Variants in DSCAML1 observed in about 807,000 individuals in gnomAD.
DSCAML1 encodes the protein cell adhesion molecule DSCAML1.
Under a neutral mutation model 200.5 loss-of-function variants are expected in DSCAML1, and 38 were observed. That is an observed-to-expected ratio of 0.19 (90% CI 0.15 to 0.25). The LOEUF is 0.25. Ranked by LOEUF, DSCAML1 falls within the 10% of genes least tolerant of loss-of-function variation. DSCAML1 has a pLI of 1.00. For synonymous variants in DSCAML1, 1,215 were observed against 1,165.0 expected (o/e 1.04, Z -0.87); for missense variants, 2,223 against 2,858.8 (o/e 0.78, Z 5.07).
At position 117,430,815 on chromosome 11, in the gene DSCAML1, C is replaced by G. The variant is rs1413797914; in HGVS notation, c.5593G>C (p.Gly1865Arg). The change falls in exon 32 of 33, where the codon GGC becomes CGC. Residue 1865 changes from glycine to arginine, a missense_variant. Gly to Arg is a moderately radical substitution (Grantham distance 125). Around this residue, in one of 7 missense-constraint regions of DSCAML1, gnomAD observed 96 missense variants for 160.7 expected, o/e 0.60. Coordinates refer to ENST00000651296, the MANE Select transcript of DSCAML1 (RefSeq NM_020693.4). ...MTSMSTPSEPGICRFTASPPK... is the reference protein window; with the variant it reads ...MTSMSTPSEPRICRFTASPPK... ...GGTGAGGCGGTAAAGCGGCAGATGC[C>G]AGGCTCTGAGGGTGTGCTCATGGAT... 6.2e-7 allele frequency: 1 copy of G among 1,614,002 alleles called. No homozygotes were observed. The highest frequency in any genetic ancestry group is 2.2e-5 in the East Asian group (1 of 44,898).
chr11:117,520,600 C>T (rs1690146551), intron 6 of DSCAML1, among the ~76,000 whole-genome samples: 1 of 151,688 alleles, frequency 6.6e-6, no homozygotes, highest in South Asian at 2.1e-4. Flanking sequence ...CTGCAGTTTC[C>T]TCAACAGCAA....
intron 3 of DSCAML1, among the ~76,000 whole-genome samples, chr11:117,733,969 G>C (rs575784364): frequency 6.6e-6 from 1 of 152,064 alleles, no homozygotes; most frequent in East Asian, 1.9e-4. Flanking sequence ...TTGTCTTTTG[G>C]GGGACCATCT....
intron 4 of DSCAML1, among the ~76,000 whole-genome samples, chr11:117,527,664 C>T (rs1003137867): frequency 6.6e-6 from 1 of 152,212 alleles, no homozygotes; most frequent in Non-Finnish European, 1.5e-5. Flanking sequence ...AGGTCTCCCC[C>T]ACCCTTGTTC....
chr11:117,664,570 G>A (rs11216489), intron 3 of DSCAML1, among the ~76,000 whole-genome samples: 54,284 of 151,960 alleles, frequency 0.36, 9,908 homozygotes, highest in Middle Eastern at 0.38. Flanking sequence ...AGTACCTAGC[G>A]CTGTATGTGA....
chr11:117,770,988 A>C (rs1316549975), intron 3 of DSCAML1, among the ~76,000 whole-genome samples: 3 of 152,214 alleles, frequency 2.0e-5, no homozygotes, highest in Non-Finnish European at 4.4e-5. Context: ...GGCAGGAGAC[A>C]GCATTGGTCT....
At chr11:117,501,382 T>C (rs6589610) in intron 11 of DSCAML1, among the ~76,000 whole-genome samples, 85,760 of 151,944 alleles carry the variant, frequency 0.56, 24,946 homozygotes, top group African/African-American at 0.7. Context: ...GTCACAGCAG[T>C]GTCCTCTGGC....
intron 3 of DSCAML1, among the ~76,000 whole-genome samples, chr11:117,650,692 T>TGTGTGTGTGTGTGC (rs1555194688): frequency 6.3e-5 from 9 of 141,790 alleles, no homozygotes; most frequent in African/African-American, 2.3e-4. Flanking sequence ...TGTGTGTGTG[T>TGTGTGTGTGTGTGC]GTGTGTGTGC....
chr11:117,439,352 A>G lies in DSCAML1; in HGVS notation c.4058T>C (p.Val1353Ala), dbSNP rs773630266. Residue 1353 changes from valine (V) to alanine (A), a missense_variant, in exon 23 of 33, where the codon GTG (valine) becomes GCG (alanine). Transcript: ENST00000651296. ...HTNGTLLLRA[V>A]KAEDSGYYTC... ...GTAGTAGCCAGAGTCCTCAGCCTTC[A>G]CTGCACGCAGCAGCAGTGTGCCATT... is the stretch of plus-strand genomic sequence containing the variant. 11 of 1,614,004 alleles carry G rather than the reference A, an allele frequency of 6.8e-6. No individual in the cohort carries two copies. The East Asian group carries it at 2.5e-4, about 36-fold the overall frequency.
chr11:117,467,195 CT>C (rs762729931), intron 16 of DSCAML1, among the ~76,000 whole-genome samples: 1,841 of 117,652 alleles, frequency 0.016, 109 homozygotes, highest in East Asian at 0.031. Flanking sequence ...GCACACACAC[CT>C]CCCCCCTCCC....
At chr11:117,672,055 C>G (rs1431162096) in intron 3 of DSCAML1, among the ~76,000 whole-genome samples, 1 of 141,560 alleles carries the variant, frequency 7.1e-6, no homozygotes, top group Non-Finnish European at 1.5e-5. Context: ...GAGCCGAGAT[C>G]GCGCCACTGC....
At chr11:117,809,728 T>A (rs371143012) in intron 1 of DSCAML1, among the ~76,000 whole-genome samples, 94 of 152,310 alleles carry the variant, frequency 6.2e-4, no homozygotes, top group African/African-American at 2.2e-3. Flanking sequence ...GGAGGCTGAA[T>A]CGCCGCGCAG....
chr11:117,737,481 G>A (rs777555923), intron 3 of DSCAML1, among the ~76,000 whole-genome samples: 14 of 152,238 alleles, frequency 9.2e-5, no homozygotes, highest in Admixed American at 3.9e-4. Flanking sequence ...AAAGGGGATC[G>A]TGGCATAATG....
Position 117,780,809 on chromosome 11 carries a change from G to T in DSCAML1, c.48C>A (p.Ala16=). ...GGCTGGTGCCAACATCTTCAGGGCG[G>T]GCTGCAGGAGAGGCAAGGGGAGAGA... The part of the protein sequence containing the change: ...FLLLLDSLHK[A]RPEDVGTSLY... The change falls in exon 2 of 33, where the codon GCC becomes GCA. Residue 16 remains alanine, a splice_region_variant and synonymous_variant. Coordinates refer to ENST00000651296, the MANE Select transcript of DSCAML1 (RefSeq NM_020693.4). The surrounding 1 kb of genome is among the most constrained non-coding windows in gnomAD (Gnocchi z 4.8). The T allele has an allele frequency of 6.9e-7, 1 of 1,439,356 alleles. No homozygotes were observed. The highest frequency in any genetic ancestry group is 9.1e-7 in the Non-Finnish European group (1 of 1,098,416). 89.2% of individuals were successfully genotyped at this position (1,439,356 alleles called of 1,614,324 possible). A position where few individuals can be genotyped will look rare whatever the true frequency, so the allele number is the denominator to read the frequency against.
intron 11 of DSCAML1, among the ~76,000 whole-genome samples, chr11:117,497,536 A>C (rs950278625): frequency 9.2e-5 from 14 of 152,236 alleles, no homozygotes; most frequent in African/African-American, 3.1e-4. Context: ...TATTCTGTGA[A>C]GTCTCAAAAT....
At chr11:117,482,983 C>A (rs2048960317) in intron 11 of DSCAML1, among the ~76,000 whole-genome samples, 1 of 152,340 alleles carries the variant, frequency 6.6e-6, no homozygotes, top group South Asian at 2.1e-4. Context: ...GAAGTAAGAT[C>A]CACAAGCAGT....
intron 3 of DSCAML1, among the ~76,000 whole-genome samples, chr11:117,560,330 G>A (rs623052): frequency 0.52 from 79,438 of 151,912 alleles, 20,943 homozygotes; most frequent in Middle Eastern, 0.59. Context: ...AGAGGGATGA[G>A]TTGATGTCTC....
intron 8 of DSCAML1, among the ~76,000 whole-genome samples, chr11:117,507,699 C>T (rs1221477314): frequency 1.3e-5 from 2 of 152,214 alleles, no homozygotes; most frequent in Non-Finnish European, 2.9e-5. Context: ...GTGAACACCA[C>T]TGGGCATCTG....
intron 3 of DSCAML1, among the ~76,000 whole-genome samples, chr11:117,640,983 C>T (rs187766582): frequency 5.1e-4 from 78 of 152,230 alleles, no homozygotes; most frequent in Admixed American, 1.9e-3. Context: ...GACACATAGC[C>T]GTAACTCTTG....
At position 117,431,509 on chromosome 11, in the gene DSCAML1, G is replaced by A. The variant is rs762156244; in HGVS notation, c.5374+25C>T. The A allele has an allele frequency of 3.9e-6, 6 of 1,518,996 alleles. No homozygotes were observed. In the Admixed American group the frequency reaches 1.2e-4, roughly 31 times the overall value. 94.1% of individuals were successfully genotyped at this position (1,518,996 alleles called of 1,614,324 possible). ...TGGGGAACTGGGGGGAGGTGTTCAG[G>A]ATGCCAGCAGGGCCTTAGGCACACC... On this transcript the variant is annotated intron_variant, in intron 31 of 32. Coordinates refer to ENST00000651296, the MANE Select transcript of DSCAML1 (RefSeq NM_020693.4).
Sources: gnomAD v4.1 joint callset for allele counts (sites outside exome capture counted in the v4.1 genomes callset) on GRCh38, gnomAD v4.1.1 for gene constraint, gnomAD v4.1.1 regional missense constraint, Gnocchi (gnomAD v3.1) non-coding constraint, MANE v1.5 for transcripts, NCBI Gene and HGNC (gene_info 2026-07-23, HGNC 2026-07-21) for gene names.